The following PTPRD variants were observed in gnomAD, a reference collection of about 807,000 sequenced individuals.
PTPRD encodes the protein protein tyrosine phosphatase receptor type D.
A neutral mutation model predicts 214.5 loss-of-function variants in PTPRD; 34 were observed. That is an observed-to-expected ratio of 0.16 (90% CI 0.12 to 0.21). The LOEUF (loss-of-function observed/expected upper bound fraction) is 0.21. PTPRD is among the 10% of genes least tolerant of loss of function. The probability of loss-of-function intolerance (pLI) is 1.00; values close to 1 mark genes in which losing one functional copy is unlikely to be tolerated. For missense variants in PTPRD, 2,545 were observed against 2,398.7 expected (o/e 1.06, Z -1.27); for synonymous variants, 1,128 against 845.7 (o/e 1.33, Z -5.79).
chr9:9,892,204 A>C (rs2073566993), intron 5 of PTPRD, among the ~76,000 whole-genome samples: 2 of 152,128 alleles, frequency 1.3e-5, no homozygotes, highest in African/African-American at 4.8e-5. Context: ...CAAAAGGAAA[A>C]TGTAGGAAGA....
intron 12 of PTPRD, among the ~76,000 whole-genome samples, chr9:8,730,346 T>A (rs2098643500): frequency 2.0e-5 from 3 of 152,136 alleles, no homozygotes; most frequent in African/African-American, 7.2e-5. Flanking sequence ...GAAGAAGTAT[T>A]CACAATCTGA....
intron 4 of PTPRD, among the ~76,000 whole-genome samples, chr9:10,018,341 G>C (rs2154115932): frequency 6.6e-6 from 1 of 152,088 alleles, no homozygotes; most frequent in East Asian, 1.9e-4. Flanking sequence ...TAAGCCGTCA[G>C]ATACAGGCAG....
At chr9:10,245,013 G>A (rs746986390) in intron 3 of PTPRD, among the ~76,000 whole-genome samples, 7 of 152,092 alleles carry the variant, frequency 4.6e-5, no homozygotes, top group Non-Finnish European at 1.0e-4. Flanking sequence ...AATAATGAAA[G>A]CATTTTAGAA....
intron 6 of PTPRD, among the ~76,000 whole-genome samples, chr9:9,737,524 C>A (rs1046908557): frequency 1.3e-5 from 2 of 152,076 alleles, no homozygotes; most frequent in African/African-American, 2.4e-5. Flanking sequence ...TATCTTCTTC[C>A]CCTGATAACT....
intron 9 of PTPRD, among the ~76,000 whole-genome samples, chr9:9,323,608 C>G (rs1293577700): frequency 6.6e-6 from 1 of 152,096 alleles, no homozygotes; most frequent in African/African-American, 2.4e-5. Flanking sequence ...TTATCTCAAA[C>G]AAATTGGCTT....
intron 3 of PTPRD, among the ~76,000 whole-genome samples, chr9:10,048,852 A>G (rs1448321205): frequency 3.3e-5 from 5 of 151,952 alleles, no homozygotes; most frequent in African/African-American, 1.2e-4. Flanking sequence ...AAACTCCCCA[A>G]AGATATCTGA....
At chr9:9,875,333 C>T (rs1198365119) in intron 5 of PTPRD, among the ~76,000 whole-genome samples, 2 of 151,964 alleles carry the variant, frequency 1.3e-5, no homozygotes, top group Non-Finnish European at 2.9e-5. Flanking sequence ...TTTTATTGTA[C>T]AGTACCCTAG....
At chr9:9,781,925 T>C (rs1255413581) in intron 5 of PTPRD, among the ~76,000 whole-genome samples, 3 of 152,094 alleles carry the variant, frequency 2.0e-5, no homozygotes, top group Non-Finnish European at 4.4e-5. Context: ...CCCAAGTAGC[T>C]GGGACTACAG....
chr9:9,517,138 T>C (rs1464364874), intron 8 of PTPRD, among the ~76,000 whole-genome samples: 1 of 152,122 alleles, frequency 6.6e-6, no homozygotes, highest in Admixed American at 6.6e-5. Context: ...TTATGCAACA[T>C]TTAAACATTC....
intron 11 of PTPRD, among the ~76,000 whole-genome samples, chr9:8,942,651 G>A (rs911282308): frequency 6.6e-6 from 1 of 151,534 alleles, no homozygotes; most frequent in East Asian, 1.9e-4. Flanking sequence ...ACATACAGGG[G>A]TCAAAGCTAA....
chr9:8,982,629 T>C (rs1167348497), intron 11 of PTPRD, among the ~76,000 whole-genome samples: 1 of 151,916 alleles, frequency 6.6e-6, no homozygotes, highest in African/African-American at 2.4e-5. Flanking sequence ...TCTTATAAAT[T>C]TGTTTTTATA....
intron 12 of PTPRD, among the ~76,000 whole-genome samples, chr9:8,705,166 G>GA (rs2098177800): frequency 6.6e-6 from 1 of 152,110 alleles, no homozygotes; most frequent in Non-Finnish European, 1.5e-5. Context: ...ATTCTCACAA[G>GA]AAAAATGTAT....
chr9:9,760,690 C>A (rs1338203272), intron 6 of PTPRD, among the ~76,000 whole-genome samples: 1 of 150,198 alleles, frequency 6.7e-6, no homozygotes, highest in Non-Finnish European at 1.5e-5. Flanking sequence ...CATACGTGTA[C>A]TCAAAACTCA....
At chr9:10,398,411 T>G (rs1565784598) in intron 2 of PTPRD, among the ~76,000 whole-genome samples, 1 of 150,942 alleles carries the variant, frequency 6.6e-6, no homozygotes, top group Non-Finnish European at 1.5e-5. Flanking sequence ...ATATATATAT[T>G]TGTATAACTG....
chr9:8,563,588 C>T (rs1176892366), intron 14 of PTPRD, among the ~76,000 whole-genome samples: 5 of 151,752 alleles, frequency 3.3e-5, no homozygotes, highest in Admixed American at 6.6e-5. Context: ...AGACATCTGC[C>T]GCCACACCTG....
At chr9:9,809,074 C>T (rs1373583361) in intron 5 of PTPRD, among the ~76,000 whole-genome samples, 1 of 151,936 alleles carries the variant, frequency 6.6e-6, no homozygotes, top group African/African-American at 2.4e-5. Context: ...GCAGAAGCCT[C>T]CGTGCCTAGC....
chr9:10,403,322 A>T lies in PTPRD; in HGVS notation c.-599-62305T>A, dbSNP rs1205678593. Among the ~76,000 whole-genome samples the T allele has an allele frequency of 2.7e-5, 4 of 146,550 alleles. No individual in the cohort carries two copies. In the East Asian group the frequency reaches 8.1e-4, roughly 30 times the overall value. On this transcript the variant is annotated intron_variant, in intron 2 of 45. Transcript: ENST00000381196. The stretch of plus-strand genomic sequence containing the variant: ...CTTGATATTTTAAAAAGTTGTAAAG[A>T]TTGAATGAAAATCTAAGTACACAGA...
At chr9:10,217,273 C>T (rs1337781773) in intron 3 of PTPRD, among the ~76,000 whole-genome samples, 2 of 151,644 alleles carry the variant, frequency 1.3e-5, no homozygotes, top group East Asian at 3.9e-4. Flanking sequence ...TGGCCTCTTC[C>T]AGGCCAACAC....
intron 35 of PTPRD, among the ~76,000 whole-genome samples, chr9:8,415,699 G>A (rs970118259): frequency 6.6e-6 from 1 of 152,012 alleles, no homozygotes; most frequent in African/African-American, 2.4e-5. Flanking sequence ...AAAATGCTGT[G>A]TCAGTTAGTA....
Sources: gnomAD v4.1 joint callset for allele counts (sites outside exome capture counted in the v4.1 genomes callset) on GRCh38, gnomAD v4.1.1 for gene constraint, MANE v1.5 for transcripts, NCBI Gene and HGNC (gene_info 2026-07-23, HGNC 2026-07-21) for gene names.